Variants in ZC3H12B observed in about 807,000 individuals in gnomAD.
The protein encoded by ZC3H12B is probable ribonuclease ZC3H12B.
ZC3H12B carries 7 observed loss-of-function variants against 43.9 expected under a neutral mutation model. The observed-to-expected ratio is 0.16, with a 90% CI of 0.09 to 0.30. The LOEUF (loss-of-function observed/expected upper bound fraction) is 0.30. Among genes scored for constraint, ZC3H12B ranks in the 10% least tolerant of loss-of-function variants. ZC3H12B has a pLI of 1.00. For synonymous variants in ZC3H12B, 222 were observed against 241.7 expected (o/e 0.92, Z 0.76); for missense variants, 475 against 670.2 (o/e 0.71, Z 3.22).
chrX:65,423,318 C>A (rs1602415079), intron 3 of ZC3H12B, among the ~76,000 whole-genome samples: 1 of 112,145 alleles, frequency 8.9e-6, no homozygotes, highest in African/African-American at 3.2e-5. Context: ...CTGCAATAAA[C>A]ATACATGTGC....
intron 3 of ZC3H12B, among the ~76,000 whole-genome samples, chrX:65,466,915 A>AATATATATATATATAT (rs58150008): frequency 1.7e-4 from 4 of 23,935 alleles, no homozygotes; most frequent in Admixed American, 4.9e-4. Flanking sequence ...TATAAAACCA[A>AATATATATATATATAT]ATATATATAT....
the ZC3H12B span, among the ~76,000 whole-genome samples, chrX:65,351,104 G>T: frequency 0.12 from 13,320 of 111,455 alleles, 1,894 homozygotes; most frequent in African/African-American, 0.41. Context: ...AAATAGCATG[G>T]TACTGGTACC....
At chrX:65,373,999 A>G (rs865849655) in intron 2 of ZC3H12B, among the ~76,000 whole-genome samples, 1 of 48,858 alleles carries the variant, frequency 2.0e-5, no homozygotes, top group Non-Finnish European at 3.0e-5. Context: ...TATATATAGT[A>G]TATATATATA....
chrX:65,167,648 CATG>C, the ZC3H12B span, among the ~76,000 whole-genome samples: 2 of 111,929 alleles, frequency 1.8e-5, no homozygotes, highest in Non-Finnish European at 3.8e-5. Context: ...CGGCTGTTTT[CATG>C]ATATTGATTC....
the ZC3H12B span, among the ~76,000 whole-genome samples, chrX:65,162,811 G>A: frequency 8.9e-6 from 1 of 112,197 alleles, no homozygotes; most frequent in East Asian, 2.8e-4. Context: ...TGCTGGTGAG[G>A]AACTGCGTTC....
the ZC3H12B span, among the ~76,000 whole-genome samples, chrX:65,206,800 C>CA: frequency 8.1e-5 from 9 of 110,876 alleles, no homozygotes; most frequent in African/African-American, 3.0e-4. Context: ...ACAAGGAACT[C>CA]AAAGAAATTA....
At chrX:65,496,811 C>T (rs1401406262) in intron 1 of ZC3H12B, among the ~76,000 whole-genome samples, 1 of 109,302 alleles carries the variant, frequency 9.1e-6, no homozygotes, top group East Asian at 2.8e-4. Context: ...CAAAAATTAG[C>T]TGGGCATGGT....
chrX:65,450,876 T>G (rs191558835), intron 3 of ZC3H12B, among the ~76,000 whole-genome samples: 2 of 74,441 alleles, frequency 2.7e-5, no homozygotes, highest in Non-Finnish European at 4.3e-5. Flanking sequence ...TGTATATATA[T>G]ACATATGTGT....
At chrX:65,163,887 G>A in the ZC3H12B span, among the ~76,000 whole-genome samples, 8 of 111,978 alleles carry the variant, frequency 7.1e-5, no homozygotes, top group East Asian at 1.4e-3. Flanking sequence ...GATGTAGACC[G>A]TCGCTGTTCC....
chrX:65,394,725 T>C (rs1391782726), intron 2 of ZC3H12B, among the ~76,000 whole-genome samples: 2 of 112,242 alleles, frequency 1.8e-5, no homozygotes, highest in East Asian at 5.5e-4. Context: ...AGTAGTTTTT[T>C]CTAGTTCTGT....
chrX:65,165,308 A>C, the ZC3H12B span, among the ~76,000 whole-genome samples: 2 of 112,089 alleles, frequency 1.8e-5, no homozygotes, highest in Non-Finnish European at 3.8e-5. Flanking sequence ...ACATGTACAG[A>C]ACGTACAGGT....
chrX:65,195,333 G>A, the ZC3H12B span, among the ~76,000 whole-genome samples: 1 of 110,498 alleles, frequency 9.0e-6, no homozygotes. Flanking sequence ...TATCTTTGTG[G>A]GTTTTTTGAT....
At chrX:65,197,748 G>T in the ZC3H12B span, among the ~76,000 whole-genome samples, 1 of 112,301 alleles carries the variant, frequency 8.9e-6, no homozygotes, top group African/African-American at 3.2e-5. Context: ...TGGAAAAGCC[G>T]CAGTCTGGTG....
the ZC3H12B span, among the ~76,000 whole-genome samples, chrX:65,342,644 C>T: frequency 9.0e-6 from 1 of 110,999 alleles, no homozygotes; most frequent in Non-Finnish European, 1.9e-5. Context: ...ATCTCTGGGA[C>T]AAAGCTAAGG....
chrX:65,093,041 C>T, the ZC3H12B span, among the ~76,000 whole-genome samples: 35 of 111,911 alleles, frequency 3.1e-4, no homozygotes, highest in Admixed American at 3.1e-3. Flanking sequence ...GGACACTGCT[C>T]TCTGCATCCC....
At chrX:65,346,213 C>T in the ZC3H12B span, among the ~76,000 whole-genome samples, 1 of 106,911 alleles carries the variant, frequency 9.4e-6, no homozygotes, top group African/African-American at 3.4e-5. Context: ...TACCTGACTT[C>T]AAACTATACT....
intron 3 of ZC3H12B, among the ~76,000 whole-genome samples, chrX:65,427,378 G>T (rs748140112): frequency 9.1e-6 from 1 of 110,452 alleles, no homozygotes; most frequent in South Asian, 4.0e-4. Flanking sequence ...ACCCAGGCTG[G>T]AGAGTAGTGG....
At chrX:65,382,986 C>T (rs2066465277) in intron 2 of ZC3H12B, among the ~76,000 whole-genome samples, 1 of 111,374 alleles carries the variant, frequency 9.0e-6, no homozygotes. Flanking sequence ...ATTCCATGCT[C>T]ATGGGTAGGA....
the ZC3H12B span, among the ~76,000 whole-genome samples, chrX:65,167,168 G>C: frequency 2.7e-5 from 3 of 111,534 alleles, no homozygotes; most frequent in Admixed American, 2.9e-4. Context: ...GGGTTTTTAT[G>C]GTTTTAGGTC....
Sources: gnomAD v4.1 joint callset for allele counts (sites outside exome capture counted in the v4.1 genomes callset) on GRCh38, gnomAD v4.1.1 for gene constraint, MANE v1.5 for transcripts, NCBI Gene and HGNC (gene_info 2026-07-23, HGNC 2026-07-21) for gene names.